The following RPTOR variants were observed in gnomAD, a reference collection of about 807,000 sequenced individuals.
The protein encoded by RPTOR is regulatory-associated protein of mTOR.
In RPTOR, 21 loss-of-function variants were observed where a neutral mutation model predicts 169.9. The observed-to-expected ratio is 0.12, with a 90% CI of 0.09 to 0.18. The LOEUF (loss-of-function observed/expected upper bound fraction) is 0.18. Among genes scored for constraint, RPTOR ranks in the 10% least tolerant of loss-of-function variants. The pLI is 1.00. For missense variants in RPTOR, 1,133 were observed against 1,855.9 expected (o/e 0.61, Z 7.16); for synonymous variants, 732 against 753.2 (o/e 0.97, Z 0.46).
At chr17:80,710,518 G>T (rs1393875946) in intron 4 of RPTOR, among the ~76,000 whole-genome samples, 1 of 149,602 alleles carries the variant, frequency 6.7e-6, no homozygotes, top group Non-Finnish European at 1.5e-5. Flanking sequence ...TCTTAATTTG[G>T]TTTTTTAAAA....
intron 2 of RPTOR, among the ~76,000 whole-genome samples, chr17:80,634,832 G>A (rs1348797142): frequency 7.0e-6 from 1 of 143,872 alleles, no homozygotes; most frequent in Non-Finnish European, 1.5e-5. Flanking sequence ...TACTGTGTGT[G>A]TGTGCATACC....
chr17:80,923,315 C>T (rs534635801), intron 22 of RPTOR, among the ~76,000 whole-genome samples, 175 bp from the exon 23 acceptor site: 110 of 152,320 alleles, frequency 7.2e-4, no homozygotes, highest in Non-Finnish European at 1.2e-3. Context: ...GCAGCATGGA[C>T]TCGGCACCAG....
At chr17:80,935,082 T>G (rs754078973) in intron 24 of RPTOR, among the ~76,000 whole-genome samples, 1 of 151,608 alleles carries the variant, frequency 6.6e-6, no homozygotes, top group Non-Finnish European at 1.5e-5. Context: ...CAATTGGACA[T>G]TGAAATTTAA....
intron 2 of RPTOR, among the ~76,000 whole-genome samples, chr17:80,628,690 T>G (rs1248848932): frequency 5.9e-5 from 9 of 152,128 alleles, no homozygotes; most frequent in Admixed American, 5.2e-4. Flanking sequence ...TTGCCCAGGC[T>G]GGGCTATACT....
chr17:80,671,765 A>G (rs1266691788), intron 3 of RPTOR, among the ~76,000 whole-genome samples: 1 of 152,132 alleles, frequency 6.6e-6, no homozygotes, highest in Non-Finnish European at 1.5e-5. Flanking sequence ...TAGTCATTCC[A>G]TTTGGCAGTA....
At chr17:80,887,423 C>T (rs1368159558) in intron 17 of RPTOR, among the ~76,000 whole-genome samples, 1 of 152,022 alleles carries the variant, frequency 6.6e-6, no homozygotes, top group African/African-American at 2.4e-5. Context: ...CCATCCTCGT[C>T]ATAGAGTCCT....
intron 5 of RPTOR, among the ~76,000 whole-genome samples, chr17:80,747,460 G>C (rs995930974): frequency 6.6e-6 from 1 of 152,196 alleles, no homozygotes. Flanking sequence ...ACTTTGGGGG[G>C]CTTCTTAAAT....
chr17:80,646,336 G>A lies in RPTOR; in HGVS notation c.348+2526G>A, dbSNP rs1027155220. On this transcript the variant is annotated intron_variant, in intron 3 of 33. Coordinates refer to ENST00000306801, the MANE Select transcript of RPTOR (RefSeq NM_020761.3). This position sits in a 1 kb window ranked among gnomAD's most constrained non-coding sequence, Gnocchi z 5.0. ...CGGATGTCACAGGATACCTCTGACC[G>A]GCTCCCAGGTGTGAGCGTGGGGCTG... is the stretch of plus-strand genomic sequence containing the variant. Among the ~76,000 whole-genome samples the A allele has an allele frequency of 2.0e-5, 3 of 152,106 alleles. No individual in the cohort carries two copies. Among genetic ancestry groups the A allele is most frequent in the African/African-American group, 4.8e-5 (2 of 41,406 alleles).
rs749025938 is a variant in RPTOR, at chr17:80,643,716, T to A, written c.266-12T>A. ...GACGTAAAGAACTTTCTCTTTTCCA[T>A]TGCTTCCTCAGATCCTCTGTCGATG... On this transcript the variant is annotated splice_polypyrimidine_tract_variant and intron_variant, in intron 2 of 33. Coordinates refer to ENST00000306801, the MANE Select transcript of RPTOR (RefSeq NM_020761.3). 2 of 1,608,636 alleles carry A rather than the reference T, an allele frequency of 1.2e-6. No individual in the cohort carries two copies. Among genetic ancestry groups the A allele is most frequent in the Non-Finnish European group, 1.7e-6 (2 of 1,176,580 alleles).
rs142696864 is a variant in RPTOR at position 80,625,765 on chromosome 17, G to T, written c.237G>T (p.Thr79=). 4.3e-6 allele frequency: 7 copies of T among 1,612,228 alleles called. No homozygotes were observed. In the East Asian group the frequency reaches 1.6e-4, roughly 36 times the overall value. ...ACCCTCCCGATGTGGTGAAGACCAC[G>T]CCCTGTGCACGCTTGGAATGCTGGA... ...GVDPPDVVKT[T]PCARLECWID... The change falls in exon 2 of 34, where the codon ACG becomes ACT. Residue 79 remains threonine, a synonymous_variant. Transcript: ENST00000306801.
chr17:80,760,466 T>C (rs2066725511), intron 6 of RPTOR, among the ~76,000 whole-genome samples: 1 of 152,028 alleles, frequency 6.6e-6, no homozygotes, highest in Non-Finnish European at 1.5e-5. Context: ...CACGCCTGGC[T>C]AATTTTTGTA....
At chr17:80,923,170 G>A (rs944059725) in intron 22 of RPTOR, among the ~76,000 whole-genome samples, 4 of 152,220 alleles carry the variant, frequency 2.6e-5, no homozygotes, top group Non-Finnish European at 5.9e-5. Context: ...ACCTCAGGAC[G>A]TGGCACTGCT....
chr17:80,737,803 T>TCC (rs1567883256), intron 5 of RPTOR, among the ~76,000 whole-genome samples: 1 of 137,204 alleles, frequency 7.3e-6, no homozygotes, highest in Non-Finnish European at 1.6e-5. Context: ...TCTCTTTTTC[T>TCC]CCCCCGCCCC....
intron 3 of RPTOR, among the ~76,000 whole-genome samples, chr17:80,685,353 A>G (rs951104096): frequency 2.6e-5 from 4 of 151,646 alleles, no homozygotes; most frequent in Admixed American, 2.6e-4. Flanking sequence ...TTGGCTCACT[A>G]CAGCCTCGAC....
chr17:80,832,762 C>CAA (rs1053388197), intron 9 of RPTOR, among the ~76,000 whole-genome samples: 5 of 152,076 alleles, frequency 3.3e-5, no homozygotes, highest in African/African-American at 1.2e-4. Flanking sequence ...ATCAATAGAC[C>CAA]AAAGTGTGTA....
rs1222537467 is a variant in RPTOR, at chr17:80,545,048, T to C, written c.-582T>C. On this transcript the variant is annotated 5_prime_UTR_variant, in exon 1 of 34. Coordinates refer to ENST00000306801, the MANE Select transcript of RPTOR (RefSeq NM_020761.3). ...CCAGCCAGGCCGCGCGGACCTGAGG[T>C]TGAGGAACCGGGTGCAGGCGAGCAC... 4.3e-6 allele frequency: 1 copy of C among 232,940 alleles called. No individual in the cohort carries two copies. The highest frequency in any genetic ancestry group is 2.2e-5 in the African/African-American group (1 of 45,292). 14.4% of individuals were successfully genotyped at this position (232,940 alleles called of 1,614,324 possible).
chr17:80,930,217 CCTCAG>C (rs2068863817), intron 24 of RPTOR, among the ~76,000 whole-genome samples: 1 of 41,230 alleles, frequency 2.4e-5, no homozygotes. Context: ...CCCAGCTCAT[CCTCAG>C]CTCATCCCCA....
intron 3 of RPTOR, among the ~76,000 whole-genome samples, chr17:80,697,103 C>T (rs9911171): frequency 0.23 from 34,895 of 151,860 alleles, 4,086 homozygotes; most frequent in East Asian, 0.33. Context: ...GATGTGCCTA[C>T]AGTCAGAGAG....
intron 7 of RPTOR, among the ~76,000 whole-genome samples, chr17:80,819,614 G>A (rs1216085185): frequency 6.6e-6 from 1 of 152,234 alleles, no homozygotes; most frequent in Non-Finnish European, 1.5e-5. Context: ...GGAAGTTGAT[G>A]TACTGAGCTA....
Sources: allele counts gnomAD v4.1 joint callset (sites outside exome capture counted in the v4.1 genomes callset), GRCh38; gene constraint gnomAD v4.1.1; non-coding constraint Gnocchi (gnomAD v3.1); transcripts MANE v1.5; gene names NCBI Gene and HGNC (gene_info 2026-07-23, HGNC 2026-07-21).